CSRNP3: variants seen among roughly 807,000 people sequenced by gnomAD.
The protein encoded by CSRNP3 is cysteine/serine-rich nuclear protein 3.
Under a neutral mutation model 48.0 loss-of-function variants are expected in CSRNP3, and 12 were observed. The ratio of observed to expected loss-of-function variants is 0.25; its 90% confidence interval spans 0.16 to 0.41. The LOEUF (loss-of-function observed/expected upper bound fraction) is 0.41, where lower values mean the gene tolerates loss of function less well. Among genes scored for constraint, CSRNP3 ranks in the 10% least tolerant of loss-of-function variants. CSRNP3 has a pLI of 1.00. For synonymous variants in CSRNP3, 263 were observed against 269.7 expected, an observed-to-expected ratio of 0.98 and a Z score of 0.24; for missense variants, 580 against 724.4, an observed-to-expected ratio of 0.80 and a Z score of 2.29.
chr2:165,613,108 G>A (rs1316172686), intron 4 of CSRNP3, among the ~76,000 whole-genome samples: 1 of 151,946 alleles, frequency 6.6e-6, no homozygotes, highest in Non-Finnish European at 1.5e-5. Flanking sequence ...TTTTATGAAA[G>A]CCATTCTAGT....
At chr2:165,524,005 C>G (rs6722792) in intron 3 of CSRNP3, among the ~76,000 whole-genome samples, 1 of 152,046 alleles carries the variant, frequency 6.6e-6, no homozygotes, top group Admixed American at 6.5e-5. Context: ...ACAAGTTATG[C>G]GAAATGTCTA....
At chr2:165,479,791 A>G (rs1394714239) in intron 1 of CSRNP3, among the ~76,000 whole-genome samples, 1 of 151,702 alleles carries the variant, frequency 6.6e-6, no homozygotes, top group Non-Finnish European at 1.5e-5. Flanking sequence ...AGGCTGAGGC[A>G]GGAGGATCAC....
intron 3 of CSRNP3, among the ~76,000 whole-genome samples, chr2:165,521,173 C>CAAA (rs1348766008): frequency 7.4e-6 from 1 of 135,646 alleles, no homozygotes. Context: ...ATGGGAAAGC[C>CAAA]AAAAAAAAAA....
intron 2 of CSRNP3, among the ~76,000 whole-genome samples, chr2:165,507,138 C>A (rs1684436868): frequency 6.6e-6 from 1 of 151,998 alleles, no homozygotes. Context: ...ACATTCTGTT[C>A]CGTTTTTTAA....
chr2:165,508,097 T>C (rs1684453330), intron 2 of CSRNP3, among the ~76,000 whole-genome samples: 1 of 152,026 alleles, frequency 6.6e-6, no homozygotes, highest in Non-Finnish European at 1.5e-5. Context: ...TCAGTGGATG[T>C]CAGTTTTTCT....
intron 3 of CSRNP3, among the ~76,000 whole-genome samples, chr2:165,544,633 C>T (rs1685000306): frequency 6.6e-6 from 1 of 152,026 alleles, no homozygotes; most frequent in African/African-American, 2.4e-5. Context: ...GTAGATCCAA[C>T]AGGATTTGCT....
chr2:165,491,051 C>T (rs1320730974), intron 1 of CSRNP3, among the ~76,000 whole-genome samples: 1 of 137,536 alleles, frequency 7.3e-6, no homozygotes, highest in Non-Finnish European at 1.6e-5. Context: ...ACCTACTCGT[C>T]TGACAAAGGG....
chr2:165,635,856 T>C (rs1471875025), intron 4 of CSRNP3, among the ~76,000 whole-genome samples: 1 of 152,136 alleles, frequency 6.6e-6, no homozygotes, highest in Non-Finnish European at 1.5e-5. Context: ...CATGCAACTT[T>C]CCCTCCATCT....
rs1687036241 is a variant in CSRNP3 at position 165,658,077 on chromosome 2, G to A, written c.408+57G>A. The A allele has an allele frequency of 9.0e-6, 14 of 1,550,694 alleles. No individual in the cohort carries two copies. In the South Asian group the frequency reaches 1.7e-4, roughly 18 times the overall value. ...CATATCCTTACAGCAATTTGATTGA[G>A]TTAACCATTTTCATATTTATAATCA... On this transcript the variant is annotated intron_variant, in intron 5 of 6. Coordinates refer to ENST00000651982, the MANE Select transcript of CSRNP3 (RefSeq NM_001172173.2).
intron 3 of CSRNP3, among the ~76,000 whole-genome samples, chr2:165,594,412 C>T (rs1685775985): frequency 1.3e-5 from 2 of 152,248 alleles, no homozygotes. Context: ...TAGAAGAAAC[C>T]ATATCCATTC....
chr2:165,665,850 AG>A (rs1354962423), intron 5 of CSRNP3, among the ~76,000 whole-genome samples: 1 of 149,116 alleles, frequency 6.7e-6, no homozygotes, highest in Non-Finnish European at 1.5e-5. Flanking sequence ...CAAGGAAGGA[AG>A]GAAGGAAAGA....
chr2:165,525,411 TAA>T (rs1435354322), intron 3 of CSRNP3, among the ~76,000 whole-genome samples: 2 of 152,004 alleles, frequency 1.3e-5, no homozygotes, highest in East Asian at 3.9e-4. Context: ...TTAAATTTGG[TAA>T]AGTCATGATA....
intron 5 of CSRNP3, among the ~76,000 whole-genome samples, chr2:165,666,802 G>A (rs200455295): frequency 1.4e-5 from 2 of 146,158 alleles, no homozygotes; most frequent in East Asian, 4.2e-4. Context: ...GAAAGAGAGA[G>A]AGGAAGAAAG....
In CSRNP3 at chr2:165,595,185, C is replaced by T. The variant is rs1685789989; in HGVS notation, c.120C>T (p.Val40=). The change falls in exon 4 of 7, where the codon GTC becomes GTT. Residue 40 remains valine (V), a synonymous_variant. Transcript: ENST00000651982. The part of the protein sequence containing the change: ...SSESADSGDS[V]NPSTSSHFTP... ...AAAGTGCTGACAGTGGGGACAGTGT[C>T]AATCCATCCACTTCTAGTCATTTTA... The T allele has an allele frequency of 5.0e-6, 8 of 1,613,944 alleles. No homozygotes were observed. The highest frequency in any genetic ancestry group is 6.8e-6 in the Non-Finnish European group (8 of 1,179,962).
At chr2:165,495,999 A>T (rs931445488) in intron 2 of CSRNP3, among the ~76,000 whole-genome samples, 3 of 152,122 alleles carry the variant, frequency 2.0e-5, no homozygotes, top group East Asian at 1.9e-4. Flanking sequence ...GTATAATTTT[A>T]AAAAAATTAC....
chr2:165,604,826 G>C (rs1685981728), intron 4 of CSRNP3, among the ~76,000 whole-genome samples: 1 of 152,142 alleles, frequency 6.6e-6, no homozygotes, highest in South Asian at 2.1e-4. Context: ...TTTAGTTCTT[G>C]TTTGATTTGT....
intron 3 of CSRNP3, among the ~76,000 whole-genome samples, chr2:165,557,290 A>G (rs1685172048): frequency 6.6e-6 from 1 of 152,232 alleles, no homozygotes; most frequent in South Asian, 2.1e-4. Flanking sequence ...TTGTTTATCT[A>G]CAGCTGCCTT....
chr2:165,498,103 G>A (rs922715381), intron 2 of CSRNP3, among the ~76,000 whole-genome samples: 4 of 151,988 alleles, frequency 2.6e-5, no homozygotes, highest in African/African-American at 9.7e-5. Context: ...GTAAGTGACA[G>A]GGCAGATTGT....
At chr2:165,497,221 C>T (rs1684294417) in intron 2 of CSRNP3, among the ~76,000 whole-genome samples, 1 of 152,072 alleles carries the variant, frequency 6.6e-6, no homozygotes, top group East Asian at 1.9e-4. Context: ...GAGGAGAATA[C>T]TTAAGCTATT....
Sources: gnomAD v4.1 joint callset for allele counts (sites outside exome capture counted in the v4.1 genomes callset) on GRCh38, gnomAD v4.1.1 for gene constraint, MANE v1.5 for transcripts, NCBI Gene and HGNC (gene_info 2026-07-23, HGNC 2026-07-21) for gene names.